MTDH: variants seen among roughly 807,000 people sequenced by gnomAD.
The protein encoded by MTDH is metadherin, also known as protein LYRIC.
A neutral mutation model predicts 72.7 loss-of-function variants in MTDH; 34 were observed. That is an observed-to-expected ratio of 0.47 (90% confidence interval 0.36 to 0.62). The LOEUF is 0.62. Ranked by LOEUF, MTDH falls within the 20% of genes least tolerant of loss-of-function variation. The pLI, the probability that MTDH is intolerant of heterozygous loss-of-function variation, is 0.00. For synonymous variants in MTDH, 266 were observed against 268.9 expected (o/e 0.99, Z 0.10); for missense variants, 677 against 699.4 (o/e 0.97, Z 0.36).
chr8:97,694,214 T>G (rs1813732369), intron 6 of MTDH, among the ~76,000 whole-genome samples: 1 of 151,662 alleles, frequency 6.6e-6, no homozygotes, highest in Non-Finnish European at 1.5e-5. Flanking sequence ...TTTTTTTTTT[T>G]GAGATGGAGT....
chr8:97,709,785 A>T (rs1351625690), intron 8 of MTDH, among the ~76,000 whole-genome samples: 1 of 152,244 alleles, frequency 6.6e-6, no homozygotes, highest in Non-Finnish European at 1.5e-5. Context: ...TGAAAATGGG[A>T]TTGGGAAGCG....
At chr8:97,647,122 A>T (rs982458949) in intron 1 of MTDH, among the ~76,000 whole-genome samples, 14 of 152,232 alleles carry the variant, frequency 9.2e-5, no homozygotes, top group African/African-American at 3.4e-4. Context: ...ATTGAAGAAA[A>T]GCAAGATACT....
rs1174664204 is a variant in MTDH at position 97,689,118 on chromosome 8, A to G, written c.811+15A>G. 7.3e-6 allele frequency: 11 copies of G among 1,516,004 alleles called. No individual in the cohort carries two copies. Among genetic ancestry groups the G allele is most frequent in the Non-Finnish European group, 1.0e-5 (11 of 1,103,976 alleles). 93.9% of individuals were successfully genotyped at this position (1,516,004 alleles called of 1,614,324 possible). On this transcript the variant is annotated intron_variant, in intron 5 of 11. Transcript: ENST00000336273. ...TACACTTCAGGGTGAGAGAAATTACATGTAACTTAAATTGAAGGCCCATCA... is the reference window on the plus strand; with the variant it reads ...TACACTTCAGGGTGAGAGAAATTACGTGTAACTTAAATTGAAGGCCCATCA...
In MTDH at chr8:97,644,226, G is replaced by T; in HGVS notation, c.-281G>T. 2.1e-6 allele frequency: 1 copy of T among 470,018 alleles called. No homozygotes were observed. The highest frequency in any genetic ancestry group is 3.7e-6 in the Non-Finnish European group (1 of 269,006). The allele number at this position is 470,018 out of a possible 1,614,324, so 29.1% of individuals were successfully genotyped here. A position where few individuals can be genotyped will look rare whatever the true frequency, so the allele number is the denominator to read the frequency against. On this transcript the variant is annotated 5_prime_UTR_variant, in exon 1 of 12. Coordinates refer to ENST00000336273, the MANE Select transcript of MTDH (RefSeq NM_178812.4). Reference sequence around the variant, plus strand: ...CCGAGGGAGGACAGCGGGGCCTGGCGCTGGCGCCGAGACGCCGCTTAGCGG... The same window carrying T: ...CCGAGGGAGGACAGCGGGGCCTGGCTCTGGCGCCGAGACGCCGCTTAGCGG...
intron 8 of MTDH, 67 bp from the exon 9 acceptor site, chr8:97,713,595 A>T: frequency 1.1e-6 from 1 of 885,788 alleles, no homozygotes; most frequent in South Asian, 2.0e-5. Context: ...ATTATTTCAT[A>T]ATAATTTTCT....
chr8:97,722,088 A>T (rs895137615), intron 10 of MTDH, among the ~76,000 whole-genome samples: 3 of 152,106 alleles, frequency 2.0e-5, no homozygotes, highest in Admixed American at 6.6e-5. Context: ...ATGGACAACA[A>T]CCAATGAATC....
intron 8 of MTDH, among the ~76,000 whole-genome samples, chr8:97,709,143 A>G (rs1230600627): frequency 1.3e-5 from 2 of 151,284 alleles, no homozygotes; most frequent in African/African-American, 4.9e-5. Context: ...ACAGTGAGCC[A>G]AGGTTGTGCC....
chr8:97,698,090 G>C (rs920501897), intron 6 of MTDH, among the ~76,000 whole-genome samples: 4 of 152,344 alleles, frequency 2.6e-5, no homozygotes, highest in East Asian at 1.9e-4. Flanking sequence ...GTGGAATGCT[G>C]CTGGTAAGAT....
At chr8:97,694,560 A>G (rs1466931085) in intron 6 of MTDH, among the ~76,000 whole-genome samples, 1 of 152,144 alleles carries the variant, frequency 6.6e-6, no homozygotes, top group Non-Finnish European at 1.5e-5. Flanking sequence ...TATTGTTTTT[A>G]AGCTTGCTCT....
intron 8 of MTDH, among the ~76,000 whole-genome samples, chr8:97,711,759 G>A (rs1814649076): frequency 1.3e-5 from 2 of 152,036 alleles, no homozygotes. Flanking sequence ...AATTAGTAAA[G>A]GATTAACAAC....
intron 6 of MTDH, among the ~76,000 whole-genome samples, chr8:97,694,938 A>G (rs1015170906): frequency 2.6e-5 from 4 of 152,082 alleles, no homozygotes; most frequent in African/African-American, 9.7e-5. Context: ...GAAAAAAAAA[A>G]AGACCTTCCC....
intron 3 of MTDH, 58 bp from the exon 4 acceptor site, chr8:97,687,371 C>G: frequency 6.8e-7 from 1 of 1,462,748 alleles, no homozygotes; most frequent in Non-Finnish European, 9.2e-7. Flanking sequence ...TCCCCCAAAA[C>G]TATAACTTTT....
intron 8 of MTDH, among the ~76,000 whole-genome samples, chr8:97,709,341 A>G (rs1814524472): frequency 6.6e-6 from 1 of 152,194 alleles, no homozygotes; most frequent in Non-Finnish European, 1.5e-5. Context: ...TCTTAGAAGT[A>G]CAATATCGTA....
chr8:97,652,783 G>A (rs1223833420), intron 1 of MTDH, among the ~76,000 whole-genome samples: 2 of 152,056 alleles, frequency 1.3e-5, no homozygotes, highest in Non-Finnish European at 2.9e-5. Flanking sequence ...TATATCACTT[G>A]CCACCTATAG....
chr8:97,715,996 T>C (rs568465867), intron 9 of MTDH, among the ~76,000 whole-genome samples: 110 of 152,352 alleles, frequency 7.2e-4, no homozygotes, highest in African/African-American at 2.5e-3. Context: ...TCATTTTTTT[T>C]TTTTACCTTG....
intron 2 of MTDH, among the ~76,000 whole-genome samples, chr8:97,672,018 T>C (rs1812644168): frequency 6.6e-6 from 1 of 151,864 alleles, no homozygotes; most frequent in South Asian, 2.1e-4. Context: ...CTAAAACAGC[T>C]CTTAGCAAAA....
At chr8:97,684,789 G>A (rs1813290508) in intron 2 of MTDH, among the ~76,000 whole-genome samples, 1 of 152,208 alleles carries the variant, frequency 6.6e-6, no homozygotes, top group African/African-American at 2.4e-5. Context: ...TAATAATTTT[G>A]AGGCTGGGAG....
In MTDH at chr8:97,719,195, T is replaced by A; in HGVS notation, c.1521+6T>A. 1 of 1,609,584 alleles carries A rather than the reference T, an allele frequency of 6.2e-7. No individual in the cohort carries two copies. Among genetic ancestry groups the A allele is most frequent in the Middle Eastern group, 1.7e-4 (1 of 6,026 alleles). Reference sequence around the variant, plus strand: ...TACTCGTCAAAAATAGCCAGGTAATTTTTAAGAATAATAAAGTTGCCGGGC... The same window carrying A: ...TACTCGTCAAAAATAGCCAGGTAATATTTAAGAATAATAAAGTTGCCGGGC... On this transcript the variant is annotated splice_donor_region_variant and intron_variant, in intron 10 of 11. Coordinates refer to ENST00000336273, the MANE Select transcript of MTDH (RefSeq NM_178812.4).
At chr8:97,669,218 C>T (rs1195933121) in intron 2 of MTDH, among the ~76,000 whole-genome samples, 1 of 152,030 alleles carries the variant, frequency 6.6e-6, no homozygotes, top group African/African-American at 2.4e-5. Flanking sequence ...GCACGATCTC[C>T]GCTCACTGCA....
Sources: allele counts gnomAD v4.1 joint callset (sites outside exome capture counted in the v4.1 genomes callset), GRCh38; gene constraint gnomAD v4.1.1; transcripts MANE v1.5; gene names NCBI Gene and HGNC (gene_info 2026-07-23, HGNC 2026-07-21).